Variants in ADAMTSL1 observed in about 807,000 individuals in gnomAD.
The protein encoded by ADAMTSL1 is ADAMTS-like protein 1.
A neutral mutation model predicts 201.8 loss-of-function variants in ADAMTSL1; 126 were observed. The observed-to-expected ratio is 0.62, with a 90% confidence interval of 0.54 to 0.72. ADAMTSL1 has a LOEUF of 0.72. Among genes scored for constraint, ADAMTSL1 ranks in the 30% least tolerant of loss-of-function variants. The pLI, the probability that ADAMTSL1 is intolerant of heterozygous loss-of-function variation, is 0.00. For missense variants in ADAMTSL1, 2,679 were observed against 2,277.8 expected (o/e 1.18, Z -3.59); for synonymous variants, 1,121 against 903.4 (o/e 1.24, Z -4.32).
chr9:18,373,149 C>A (rs559762448), intron 2 of ADAMTSL1, among the ~76,000 whole-genome samples: 1 of 152,268 alleles, frequency 6.6e-6, no homozygotes, highest in East Asian at 1.9e-4. Flanking sequence ...GATTTAATTA[C>A]TCTTAGTTGA....
chr9:18,315,063 C>A (rs1034401377), intron 2 of ADAMTSL1, among the ~76,000 whole-genome samples: 1 of 152,002 alleles, frequency 6.6e-6, no homozygotes, highest in African/African-American at 2.4e-5. Flanking sequence ...CCCAAAGCAG[C>A]CTGCTTTTAT....
intron 1 of ADAMTSL1, among the ~76,000 whole-genome samples, chr9:17,933,435 A>T (rs531677798): frequency 5.3e-5 from 8 of 152,098 alleles, no homozygotes; most frequent in African/African-American, 1.9e-4. Context: ...GGCAGGGCAT[A>T]TTTTTGGGAG....
At chr9:17,976,234 AT>A (rs34637497) in intron 1 of ADAMTSL1, among the ~76,000 whole-genome samples, 121,789 of 151,088 alleles carry the variant, frequency 0.81, 49,391 homozygotes, top group East Asian at 0.92. Flanking sequence ...AAAATTTAGT[AT>A]TTTTTTTTTC....
chr9:18,542,127 AG>A, intron 3 of ADAMTSL1, among the ~76,000 whole-genome samples: 1 of 152,326 alleles, frequency 6.6e-6, no homozygotes, highest in African/African-American at 2.4e-5. Context: ...ATGCTTTTAT[AG>A]TGTTTTAATT....
intron 2 of ADAMTSL1, among the ~76,000 whole-genome samples, chr9:18,465,111 C>T (rs939321789): frequency 4.6e-5 from 7 of 152,046 alleles, no homozygotes; most frequent in Admixed American, 1.3e-4. Flanking sequence ...AGGAGTATTC[C>T]ACCTACACAT....
intron 1 of ADAMTSL1, among the ~76,000 whole-genome samples, chr9:18,046,040 G>T (rs1236615668): frequency 6.6e-6 from 1 of 152,130 alleles, no homozygotes; most frequent in Non-Finnish European, 1.5e-5. Context: ...GGAAAGAATT[G>T]TCTTGTTCCT....
chr9:18,312,384 GC>G (rs1834189468), intron 2 of ADAMTSL1, among the ~76,000 whole-genome samples: 1 of 152,204 alleles, frequency 6.6e-6, no homozygotes, highest in African/African-American at 2.4e-5. Flanking sequence ...GGTATTAAGT[GC>G]CACATCGTTG....
In ADAMTSL1 at chr9:18,481,582, C is replaced by G. The variant is rs139968000; in HGVS notation, c.63+7287C>G. On this transcript the variant is annotated intron_variant, in intron 1 of 28. Coordinates refer to ENST00000380548, the MANE Select transcript of ADAMTSL1 (RefSeq NM_001040272.6). ...GATGGACATTATTATTTTCAATTTC[C>G]CCACAAGCTGGTTCATCTTGTAAAT... Among the ~76,000 whole-genome samples, 393 of 152,072 alleles carry G rather than the reference C, an allele frequency of 2.6e-3. 2 individuals are homozygous for G. Among genetic ancestry groups the G allele is most frequent in the African/African-American group, 9.1e-3 (376 of 41,490 alleles).
chr9:18,289,319 T>TGAGTTTG (rs1833157628), intron 2 of ADAMTSL1, among the ~76,000 whole-genome samples: 1 of 152,192 alleles, frequency 6.6e-6, no homozygotes, highest in Admixed American at 6.5e-5. Context: ...AGTTCCAGTC[T>TGAGTTTG]GAGTTTGGAG....
chr9:18,276,585 G>A (rs983785856), intron 2 of ADAMTSL1, among the ~76,000 whole-genome samples: 1 of 152,138 alleles, frequency 6.6e-6, no homozygotes, highest in Non-Finnish European at 1.5e-5. Context: ...GTTTATTTTG[G>A]CTCACAGTTC....
intron 2 of ADAMTSL1, among the ~76,000 whole-genome samples, chr9:18,363,307 T>C (rs1239876706): frequency 6.6e-6 from 1 of 152,222 alleles, no homozygotes; most frequent in Non-Finnish European, 1.5e-5. Context: ...TTCTGAGGTC[T>C]CTCCTAAGTA....
intron 1 of ADAMTSL1, among the ~76,000 whole-genome samples, chr9:17,989,206 A>G (rs987414486): frequency 6.6e-6 from 1 of 152,008 alleles, no homozygotes; most frequent in Non-Finnish European, 1.5e-5. Flanking sequence ...CTACCGAGAC[A>G]GTCCTTGATA....
intron 1 of ADAMTSL1, among the ~76,000 whole-genome samples, chr9:18,075,761 A>C (rs1045446642): frequency 2.0e-5 from 3 of 152,210 alleles, no homozygotes; most frequent in Non-Finnish European, 4.4e-5. Flanking sequence ...GCCAAGGCTG[A>C]ATTAGTGCTG....
intron 1 of ADAMTSL1, among the ~76,000 whole-genome samples, chr9:18,078,680 A>T (rs1823338020): frequency 1.3e-5 from 2 of 151,938 alleles, no homozygotes; most frequent in South Asian, 4.2e-4. Flanking sequence ...TCCAATCGTA[A>T]CCCCTAGGAT....
At chr9:18,289,183 A>ACCTG (rs1833152493) in intron 2 of ADAMTSL1, among the ~76,000 whole-genome samples, 1 of 149,584 alleles carries the variant, frequency 6.7e-6, no homozygotes, top group Admixed American at 6.6e-5. Context: ...CTACCTACCT[A>ACCTG]TCTATCTATA....
intron 23 of ADAMTSL1, among the ~76,000 whole-genome samples, chr9:18,864,889 T>C (rs796676261): frequency 1.2e-4 from 19 of 152,358 alleles, no homozygotes; most frequent in African/African-American, 4.6e-4. Flanking sequence ...CCCTGGTCTT[T>C]AGTGTTTCCT....
chr9:17,958,710 C>G (rs947241892), intron 1 of ADAMTSL1, among the ~76,000 whole-genome samples: 2 of 152,108 alleles, frequency 1.3e-5, no homozygotes, highest in Non-Finnish European at 2.9e-5. Context: ...AACCCAAACC[C>G]AAACCCGTAT....
chr9:18,180,848 A>C (rs1828437131), intron 2 of ADAMTSL1, among the ~76,000 whole-genome samples: 1 of 152,222 alleles, frequency 6.6e-6, no homozygotes, highest in African/African-American at 2.4e-5. Flanking sequence ...AGGCAAAAGA[A>C]CAAAGCTGGA....
At chr9:18,404,171 A>G (rs1818093449) in intron 2 of ADAMTSL1, among the ~76,000 whole-genome samples, 1 of 152,116 alleles carries the variant, frequency 6.6e-6, no homozygotes. Flanking sequence ...ACTCTAAATT[A>G]ATTCTTTTAT....
Sources: allele counts gnomAD v4.1 joint callset (sites outside exome capture counted in the v4.1 genomes callset), GRCh38; gene constraint gnomAD v4.1.1; transcripts MANE v1.5; gene names NCBI Gene and HGNC (gene_info 2026-07-23, HGNC 2026-07-21).